Variants in FAM163A observed in about 807,000 individuals in gnomAD.
FAM163A encodes protein FAM163A.
FAM163A carries 7 observed loss-of-function variants against 12.0 expected under a neutral mutation model. The ratio of observed to expected loss-of-function variants is 0.58; its 90% CI spans 0.33 to 1.10. FAM163A has a LOEUF of 1.10. Among genes scored for constraint, FAM163A ranks in the 50% least tolerant of loss-of-function variants. The pLI is 0.03. For synonymous variants in FAM163A, 101 were observed against 91.0 expected, an observed-to-expected ratio of 1.11 and a Z score of -0.62; for missense variants, 202 against 218.6, an observed-to-expected ratio of 0.92 and a Z score of 0.48.
At chr1:179,732,061 G>A in the FAM163A span, among the ~76,000 whole-genome samples, 11 of 152,330 alleles carry the variant, frequency 7.2e-5, no homozygotes, top group Middle Eastern at 3.4e-3. Flanking sequence ...TGCTGAGAAA[G>A]TTAAATATGG....
At chr1:179,800,936 C>T (rs1265627929) in intron 1 of FAM163A, among the ~76,000 whole-genome samples, 1 of 152,122 alleles carries the variant, frequency 6.6e-6, no homozygotes, top group East Asian at 1.9e-4. Flanking sequence ...GAGCTGGGGT[C>T]ACACGTTCTG....
At chr1:179,744,281 C>G (rs1684112277) in intron 1 of FAM163A, among the ~76,000 whole-genome samples, 2 of 152,044 alleles carry the variant, frequency 1.3e-5, no homozygotes, top group Admixed American at 6.5e-5. Context: ...CCTGCGCGCT[C>G]AAGGCGCCGG....
At chr1:179,800,764 T>C (rs1444904398) in intron 1 of FAM163A, among the ~76,000 whole-genome samples, 1 of 152,160 alleles carries the variant, frequency 6.6e-6, no homozygotes, top group Non-Finnish European at 1.5e-5. Context: ...TCCACAAGGA[T>C]GCTGAGACAC....
At chr1:179,782,802 T>C (rs7531276) in intron 1 of FAM163A, among the ~76,000 whole-genome samples, 43,618 of 152,076 alleles carry the variant, frequency 0.29, 6,798 homozygotes, top group African/African-American at 0.4. Context: ...TCTGAGAATA[T>C]CCAACTCTTA....
At position 179,814,386 on chromosome 1, in the gene FAM163A, T is replaced by C; in HGVS notation, c.*197T>C. ...AAGACAGGGCCTGGCTCCAACTCTG[T>C]GGGCCAGAGGTGGGGGACTGCTAGG... On this transcript the variant is annotated 3_prime_UTR_variant, in exon 5 of 5. Coordinates refer to ENST00000341785, the MANE Select transcript of FAM163A (RefSeq NM_173509.3). 1 of 711,124 alleles carries C rather than the reference T, an allele frequency of 1.4e-6. No homozygotes were observed. Among genetic ancestry groups the C allele is most frequent in the South Asian group, 2.1e-5 (1 of 47,922 alleles). 44.1% of individuals were successfully genotyped at this position (711,124 alleles called of 1,614,324 possible). A position where few individuals can be genotyped will look rare whatever the true frequency, so the allele number is the denominator to read the frequency against.
intron 1 of FAM163A, among the ~76,000 whole-genome samples, chr1:179,766,428 A>C (rs956173001): frequency 6.6e-6 from 1 of 152,196 alleles, no homozygotes; most frequent in African/African-American, 2.4e-5. Context: ...TTCCCCACTC[A>C]GTCTATTCAC....
At chr1:179,784,358 G>A (rs1416534986) in intron 1 of FAM163A, among the ~76,000 whole-genome samples, 3 of 152,238 alleles carry the variant, frequency 2.0e-5, no homozygotes, top group East Asian at 3.8e-4. Flanking sequence ...TACCAGCTCT[G>A]TAACTTACTG....
intron 1 of FAM163A, among the ~76,000 whole-genome samples, chr1:179,777,064 T>C (rs1238031282): frequency 6.6e-6 from 1 of 152,234 alleles, no homozygotes. Flanking sequence ...TTCCTTTTCA[T>C]GACTGAGTAG....
In FAM163A at chr1:179,768,493, A is replaced by T. The variant is rs1352667535; in HGVS notation, c.-136+25070A>T. 2.0e-5 allele frequency among the ~76,000 whole-genome samples: 3 copies of T among 152,184 alleles called. No individual in the cohort carries two copies. The East Asian group carries it at 5.8e-4, about 29-fold the overall frequency. On this transcript the variant is annotated intron_variant, in intron 1 of 4. Transcript: ENST00000341785. ...TAGTGAAAATAGGCTCTCCAAGATT[A>T]CTAGAGGCTGCAGGGGCAAGTGATG...
At chr1:179,770,069 C>A (rs1021984397) in intron 1 of FAM163A, among the ~76,000 whole-genome samples, 16 of 151,886 alleles carry the variant, frequency 1.1e-4, no homozygotes, top group Non-Finnish European at 5.9e-5. Flanking sequence ...CCACGCCTGG[C>A]TACTTTTTTG....
At chr1:179,759,471 C>G (rs1213741666) in intron 1 of FAM163A, among the ~76,000 whole-genome samples, 1 of 152,112 alleles carries the variant, frequency 6.6e-6, no homozygotes, top group Non-Finnish European at 1.5e-5. Context: ...TGAAGGGACA[C>G]TTAATCCAAG....
At chr1:179,748,443 A>G (rs972713890) in intron 1 of FAM163A, among the ~76,000 whole-genome samples, 11 of 152,236 alleles carry the variant, frequency 7.2e-5, no homozygotes, top group Non-Finnish European at 1.6e-4. Flanking sequence ...AGATGTTTAC[A>G]TAGTATACAA....
At chr1:179,795,780 G>C (rs1015280113) in intron 1 of FAM163A, among the ~76,000 whole-genome samples, 1 of 152,094 alleles carries the variant, frequency 6.6e-6, no homozygotes, top group African/African-American at 2.4e-5. Flanking sequence ...ATTCTGAAGA[G>C]TGTTTATCAT....
At chr1:179,809,676 A>C (rs1694434669) in intron 2 of FAM163A, among the ~76,000 whole-genome samples, 1 of 152,118 alleles carries the variant, frequency 6.6e-6, no homozygotes, top group South Asian at 2.1e-4. Context: ...CTGTCTCCTA[A>C]AATAGGCTTG....
chr1:179,808,329 C>T (rs1694237677), intron 2 of FAM163A, among the ~76,000 whole-genome samples: 1 of 152,280 alleles, frequency 6.6e-6, no homozygotes, highest in Non-Finnish European at 1.5e-5. Context: ...AACTCAGCAG[C>T]TTAAAACAAC....
At chr1:179,768,756 G>T (rs546035800) in intron 1 of FAM163A, among the ~76,000 whole-genome samples, 1 of 151,956 alleles carries the variant, frequency 6.6e-6, no homozygotes, top group East Asian at 1.9e-4. Context: ...CAAGTGCACG[G>T]CACCATGCCC....
At chr1:179,799,160 C>T (rs1338746239) in intron 1 of FAM163A, among the ~76,000 whole-genome samples, 2 of 151,480 alleles carry the variant, frequency 1.3e-5, no homozygotes, top group Non-Finnish European at 1.5e-5. Context: ...GAAACAAGCC[C>T]TATAGATGCT....
intron 1 of FAM163A, among the ~76,000 whole-genome samples, chr1:179,793,665 A>C (rs1205359570): frequency 6.6e-6 from 1 of 152,216 alleles, no homozygotes; most frequent in African/African-American, 2.4e-5. Context: ...CAAAAGTCTT[A>C]GAATTGGCTT....
intron 1 of FAM163A, among the ~76,000 whole-genome samples, chr1:179,785,704 C>G (rs1471307947): frequency 6.6e-6 from 1 of 152,188 alleles, no homozygotes. Flanking sequence ...ATATATTATT[C>G]CAGGCTTTTT....
Sources: gnomAD v4.1 joint callset for allele counts (sites outside exome capture counted in the v4.1 genomes callset) on GRCh38, gnomAD v4.1.1 for gene constraint, MANE v1.5 for transcripts, NCBI Gene and HGNC (gene_info 2026-07-23, HGNC 2026-07-21) for gene names.